RAP1GDS1: variants seen among roughly 807,000 people sequenced by gnomAD.
The protein encoded by RAP1GDS1 is RAP1, GTP-GDP dissociation stimulator 1.
Under a neutral mutation model 71.1 loss-of-function variants are expected in RAP1GDS1, and 35 were observed. The observed-to-expected ratio is 0.49, with a 90% CI of 0.38 to 0.65. The LOEUF is 0.65. Ranked by LOEUF, RAP1GDS1 falls within the 30% of genes least tolerant of loss-of-function variation. The pLI is 0.00. For synonymous variants in RAP1GDS1, 229 were observed against 243.1 expected, an observed-to-expected ratio of 0.94 and a Z score of 0.54; for missense variants, 663 against 706.1, an observed-to-expected ratio of 0.94 and a Z score of 0.69.
chr4:98,321,983 TAA>T (rs1322095843), intron 2 of RAP1GDS1, among the ~76,000 whole-genome samples: 1 of 8,836 alleles, frequency 1.1e-4, no homozygotes, highest in Admixed American at 1.1e-3. Flanking sequence ...GCAAGTTGGA[TAA>T]AGAGTCAAGA....
intron 4 of RAP1GDS1, among the ~76,000 whole-genome samples, chr4:98,361,604 T>TG (rs1420173817): frequency 6.6e-6 from 1 of 152,178 alleles, no homozygotes; most frequent in Non-Finnish European, 1.5e-5. Context: ...ATGTGAGAAA[T>TG]CTGTTGGACA....
intron 1 of RAP1GDS1, among the ~76,000 whole-genome samples, chr4:98,283,355 C>G (rs1333366372): frequency 6.6e-6 from 1 of 152,076 alleles, no homozygotes; most frequent in African/African-American, 2.4e-5. Context: ...TGGTGGTAAG[C>G]TCTAATAAAA....
At chr4:98,325,778 G>A (rs796191738) in intron 2 of RAP1GDS1, among the ~76,000 whole-genome samples, 2 of 119,370 alleles carry the variant, frequency 1.7e-5, no homozygotes, top group African/African-American at 6.3e-5. Context: ...GTGGTGGGGT[G>A]GGGGGAGGGG....
chr4:98,337,485 G>A (rs757170027), intron 2 of RAP1GDS1, among the ~76,000 whole-genome samples: 5 of 152,182 alleles, frequency 3.3e-5, no homozygotes, highest in Admixed American at 1.3e-4. Flanking sequence ...CTTTTCCAGT[G>A]TAATCTTATT....
chr4:98,277,685 C>A (rs940297625), intron 1 of RAP1GDS1, among the ~76,000 whole-genome samples: 8 of 152,148 alleles, frequency 5.3e-5, no homozygotes, highest in Admixed American at 2.0e-4. Context: ...TGATGTAGTT[C>A]TATTCACTCA....
intron 3 of RAP1GDS1, 168 bp downstream of exon 3, chr4:98,343,429 C>G (rs1167008065): frequency 2.5e-6 from 2 of 815,096 alleles, no homozygotes; most frequent in East Asian, 3.1e-5. Flanking sequence ...GCTATAGTTA[C>G]AGTCATTCAT....
intron 4 of RAP1GDS1, among the ~76,000 whole-genome samples, chr4:98,353,877 T>A (rs1372695763): frequency 6.6e-6 from 1 of 152,146 alleles, no homozygotes; most frequent in Non-Finnish European, 1.5e-5. Context: ...TAATATCAAC[T>A]TTCAAGACTG....
In RAP1GDS1 at chr4:98,383,310, G is replaced by A. The variant is rs116012289; in HGVS notation, c.508+4147G>A. Reference sequence around the variant, plus strand: ...TATGCCATAAGAGAGAAAAGTAGAGGCAATTGAAAGATGCCATCAGGAAAG... The same window carrying A: ...TATGCCATAAGAGAGAAAAGTAGAGACAATTGAAAGATGCCATCAGGAAAG... On this transcript the variant is annotated intron_variant, in intron 5 of 14. Transcript: ENST00000408927. Among the ~76,000 whole-genome samples, 1,175 of 151,456 alleles carry A rather than the reference G, an allele frequency of 7.8e-3. 17 individuals are homozygous for A. The highest frequency in any genetic ancestry group is 0.027 in the African/African-American group (1,108 of 41,428).
intron 2 of RAP1GDS1, among the ~76,000 whole-genome samples, chr4:98,325,031 G>C (rs1262847856): frequency 6.7e-6 from 1 of 150,270 alleles, no homozygotes; most frequent in Admixed American, 6.6e-5. Context: ...ATCTGACAAA[G>C]GGCTAATATC....
rs115272659 is a variant in RAP1GDS1 at position 98,438,457 on chromosome 4, G to C, written c.1696+1389G>C. 7.3e-3 allele frequency among the ~76,000 whole-genome samples: 1,099 copies of C among 150,620 alleles called. 18 individuals are homozygous for C. Among genetic ancestry groups the C allele is most frequent in the African/African-American group, 0.026 (1,059 of 41,032 alleles). On this transcript the variant is annotated intron_variant, in intron 14 of 14. Coordinates refer to ENST00000408927, the MANE Select transcript of RAP1GDS1 (RefSeq NM_001100427.2). ...GACCATTTACATTTAATGGATGACT[G>C]ATATGGCTTAAGTGTGCAATCTTAT... is the stretch of plus-strand genomic sequence containing the variant.
intron 7 of RAP1GDS1, 107 bp downstream of exon 7, chr4:98,404,709 G>C: frequency 7.5e-7 from 1 of 1,334,430 alleles, no homozygotes; most frequent in Non-Finnish European, 1.0e-6. Context: ...TTCTTTATTA[G>C]TGATATGTTT....
At chr4:98,278,222 C>CTG (rs1724521414) in intron 1 of RAP1GDS1, among the ~76,000 whole-genome samples, 1 of 152,046 alleles carries the variant, frequency 6.6e-6, no homozygotes. Flanking sequence ...ATGTACAATA[C>CTG]CCTAGGCTGC....
At chr4:98,324,931 A>T (rs1441525272) in intron 2 of RAP1GDS1, among the ~76,000 whole-genome samples, 3 of 152,020 alleles carry the variant, frequency 2.0e-5, no homozygotes, top group Non-Finnish European at 2.9e-5. Flanking sequence ...GGGATCTCAT[A>T]AAACTAAAGA....
chr4:98,397,718 C>G (rs1744756867), intron 6 of RAP1GDS1, among the ~76,000 whole-genome samples: 1 of 152,150 alleles, frequency 6.6e-6, no homozygotes, highest in Non-Finnish European at 1.5e-5. Flanking sequence ...TTTCCCCTTT[C>G]ACACCTTGTG....
At position 98,403,655 on chromosome 4, in the gene RAP1GDS1, G is replaced by A. The variant is rs551059225; in HGVS notation, c.638-822G>A. Reference sequence around the variant, plus strand: ...AAATATCAACACAGAGATGCTGTTTGGTGCTATGGAAGAGCATTGGATAGC... The same window carrying A: ...AAATATCAACACAGAGATGCTGTTTAGTGCTATGGAAGAGCATTGGATAGC... On this transcript the variant is annotated intron_variant, in intron 6 of 14. Coordinates refer to ENST00000408927, the MANE Select transcript of RAP1GDS1 (RefSeq NM_001100427.2). Among the ~76,000 whole-genome samples, 69 of 152,306 alleles carry A rather than the reference G, an allele frequency of 4.5e-4. No homozygotes were observed. In the South Asian group the frequency reaches 0.013, roughly 30 times the overall value.
intron 5 of RAP1GDS1, chr4:98,387,484 C>G: frequency 2.2e-6 from 1 of 455,940 alleles, no homozygotes; most frequent in Non-Finnish European, 4.4e-6. Flanking sequence ...GAACTTGGAA[C>G]CATTGAAATT....
In RAP1GDS1 at chr4:98,405,441, A is replaced by G. The variant is rs1345321294; in HGVS notation, c.763+839A>G. Reference sequence around the variant, plus strand: ...ATGAACTAAAAGGAAAGAAGAACACATTTACATAAAAGAGAATAAGAGGTC... The same window carrying G: ...ATGAACTAAAAGGAAAGAAGAACACGTTTACATAAAAGAGAATAAGAGGTC... On this transcript the variant is annotated intron_variant, in intron 7 of 14. Transcript: ENST00000408927. Among the ~76,000 whole-genome samples the G allele has an allele frequency of 3.3e-5, 5 of 152,266 alleles. No homozygotes were observed. In the East Asian group the frequency reaches 7.7e-4, roughly 23 times the overall value.
At chr4:98,326,556 A>C (rs573596464) in intron 2 of RAP1GDS1, among the ~76,000 whole-genome samples, 5 of 152,250 alleles carry the variant, frequency 3.3e-5, no homozygotes, top group Admixed American at 1.3e-4. Context: ...TTTCTTTTTC[A>C]CTACAGATCT....
Position 98,401,383 on chromosome 4 carries a change from A to G in RAP1GDS1, c.638-3094A>G, listed in dbSNP as rs554466382. Among the ~76,000 whole-genome samples, 11 of 152,346 alleles carry G rather than the reference A, an allele frequency of 7.2e-5. No individual in the cohort carries two copies. The South Asian group carries it at 2.3e-3, about 32-fold the overall frequency. On this transcript the variant is annotated intron_variant, in intron 6 of 14. Transcript: ENST00000408927. ...TTACATATAATTAGAAAGATGATGG[A>G]GAGTATGGTGAACACAGGAAAGAAA...
Sources: allele counts gnomAD v4.1 joint callset (sites outside exome capture counted in the v4.1 genomes callset), GRCh38; gene constraint gnomAD v4.1.1; transcripts MANE v1.5; gene names NCBI Gene and HGNC (gene_info 2026-07-23, HGNC 2026-07-21).